AKAP9: variants seen among roughly 807,000 people sequenced by gnomAD.
The protein encoded by AKAP9 is A-kinase anchor protein 9.
Under a neutral mutation model 488.5 loss-of-function variants are expected in AKAP9, and 311 were observed. That is an observed-to-expected ratio of 0.64 (90% CI 0.58 to 0.70). AKAP9 has a LOEUF of 0.70. Ranked by LOEUF, AKAP9 falls within the 30% of genes least tolerant of loss-of-function variation. AKAP9 has a pLI of 0.00. For missense variants in AKAP9, 4,215 were observed against 4,374.5 expected, an observed-to-expected ratio of 0.96 and a Z score of 1.03; for synonymous variants, 1,462 against 1,483.5, an observed-to-expected ratio of 0.99 and a Z score of 0.33.
intron 30 of AKAP9, 41 bp from the exon 31 acceptor site, chr7:92,079,038 A>G (rs778593992): frequency 3.6e-6 from 5 of 1,380,036 alleles, no homozygotes; most frequent in Non-Finnish European, 4.9e-6. Context: ...AAATGTAAAT[A>G]CATATATATT....
chr7:92,032,720 G>T (rs1234452740), intron 16 of AKAP9, among the ~76,000 whole-genome samples: 1 of 151,972 alleles, frequency 6.6e-6, no homozygotes. Flanking sequence ...GGGCCATAAG[G>T]ACTTATTCAC....
intron 2 of AKAP9, among the ~76,000 whole-genome samples, chr7:91,979,767 C>T (rs923327480): frequency 1.3e-5 from 2 of 152,126 alleles, no homozygotes; most frequent in Non-Finnish European, 2.9e-5. Flanking sequence ...GTAGCATATA[C>T]TGTGTGGATA....
chr7:92,042,406 A>G (rs746684848), intron 19 of AKAP9, among the ~76,000 whole-genome samples: 2 of 152,244 alleles, frequency 1.3e-5, no homozygotes, highest in Non-Finnish European at 2.9e-5. Flanking sequence ...TTCACCAAAG[A>G]GAACCTAACA....
chr7:91,943,072 G>A (rs1204627327), intron 1 of AKAP9, among the ~76,000 whole-genome samples: 1 of 151,912 alleles, frequency 6.6e-6, no homozygotes, highest in East Asian at 1.9e-4. Context: ...GTGTGCGCCT[G>A]TATGTAGTCC....
chr7:92,030,506 G>A (rs1358894682), intron 15 of AKAP9, among the ~76,000 whole-genome samples: 1 of 152,148 alleles, frequency 6.6e-6, no homozygotes, highest in Non-Finnish European at 1.5e-5. Context: ...GCTGAGCGTG[G>A]TGGCACTCGC....
At chr7:91,992,294 A>T in intron 4 of AKAP9, 83 bp downstream of exon 4, 1 of 974,108 alleles carries the variant, frequency 1.0e-6, no homozygotes, top group Non-Finnish European at 1.7e-6. Flanking sequence ...TTTTTCCTGC[A>T]TGTACTTCTT....
At chr7:92,030,737 A>G (rs371102321) in intron 15 of AKAP9, among the ~76,000 whole-genome samples, 7 of 151,972 alleles carry the variant, frequency 4.6e-5, no homozygotes, top group African/African-American at 1.7e-4. Flanking sequence ...TCCGTATGGT[A>G]TATAAAAAAG....
At chr7:91,941,225 A>AGTG (rs2130423530) in intron 1 of AKAP9, 78 bp downstream of exon 1, 1 of 1,420,230 alleles carries the variant, frequency 7.0e-7, no homozygotes, top group East Asian at 2.3e-5. Context: ...TGGGAAGCGG[A>AGTG]GTTCGCCGCA....
At chr7:91,945,105 G>A (rs935316041) in intron 1 of AKAP9, among the ~76,000 whole-genome samples, 32 of 152,306 alleles carry the variant, frequency 2.1e-4, no homozygotes, top group African/African-American at 7.5e-4. Flanking sequence ...GCTCACTCCT[G>A]TAATCCCAAC....
chr7:91,988,427 C>T (rs1221319837), intron 3 of AKAP9, among the ~76,000 whole-genome samples: 1 of 150,990 alleles, frequency 6.6e-6, no homozygotes, highest in African/African-American at 2.4e-5. Flanking sequence ...CTAATGATCA[C>T]ACCACTGCAC....
Position 92,016,175 on chromosome 7 carries a change from G to C in AKAP9, c.3659G>C (p.Cys1220Ser), listed in dbSNP as rs375200151. ...LGEYYTPALK[C>S]EVNAEDKENS... ...GAATATTATACTCCTGCTTTAAAAT[G>C]TGAAGTAAATGCAGAAGACAAAGAG... The change falls in exon 11 of 50, where the codon TGT becomes TCT. Residue 1220 changes from cysteine to serine, a missense_variant. Around this residue, in one of 5 missense-constraint regions of AKAP9, gnomAD observed 2,361 missense variants for 2,430.0 expected, o/e 0.97. Coordinates refer to ENST00000356239, the MANE Select transcript of AKAP9 (RefSeq NM_005751.5). 4 of 1,600,236 alleles carry C rather than the reference G, an allele frequency of 2.5e-6. No homozygotes were observed. Among genetic ancestry groups the C allele is most frequent in the Non-Finnish European group, 8.6e-7 (1 of 1,168,218 alleles).
chr7:92,025,359 A>G (rs1276795335), intron 14 of AKAP9, among the ~76,000 whole-genome samples: 3 of 152,214 alleles, frequency 2.0e-5, no homozygotes, highest in Non-Finnish European at 2.9e-5. Flanking sequence ...TGTGTTGACA[A>G]GGCCTTTGAA....
intron 1 of AKAP9, among the ~76,000 whole-genome samples, chr7:91,948,780 T>C (rs1439495037): frequency 1.3e-5 from 2 of 151,880 alleles, no homozygotes; most frequent in African/African-American, 4.8e-5. Flanking sequence ...CCCGATTAAT[T>C]TTTTTGTATT....
In AKAP9 at chr7:92,089,429, TAGA is replaced by T. The variant is rs754149796; in HGVS notation, c.9261_9263del (p.Arg3088del). On this transcript the variant is annotated inframe_deletion, in exon 38 of 50. Coordinates refer to ENST00000356239, the MANE Select transcript of AKAP9 (RefSeq NM_005751.5). Reference sequence around the variant, plus strand: ...CTATGGAATGCCTCCAGAAAGCAGATAGAAGGAGTTTGTTATCTGAAATTCAGG... The same window carrying T: ...CTATGGAATGCCTCCAGAAAGCAGATAGGAGTTTGTTATCTGAAATTCAGG... 1 of 1,612,164 alleles carries T rather than the reference TAGA, an allele frequency of 6.2e-7. No homozygotes were observed. The highest frequency in any genetic ancestry group is 8.5e-7 in the Non-Finnish European group (1 of 1,179,726).
intron 27 of AKAP9, 39 bp downstream of exon 27, chr7:92,070,245 A>G (rs1811474512): frequency 6.3e-7 from 1 of 1,590,494 alleles, no homozygotes; most frequent in African/African-American, 1.3e-5. Flanking sequence ...TAAGTGTTTT[A>G]ATGAAGAATA....
At chr7:92,066,326 C>T (rs1337878455) in intron 25 of AKAP9, 101 bp from the exon 26 acceptor site, 1 of 1,451,146 alleles carries the variant, frequency 6.9e-7, no homozygotes, top group Non-Finnish European at 9.6e-7. Context: ...AGTCCTTTGT[C>T]TTCAAACAAA....
At position 92,089,480 on chromosome 7, in the gene AKAP9, T is replaced by A; in HGVS notation, c.9309T>A (p.Gly3103=). The change falls in exon 38 of 50, where the codon GGT becomes GGA. Residue 3103 remains glycine, a synonymous_variant. Transcript: ENST00000356239. ...AGGCACTGCATGCACAAATGAATGG[T>A]AGGAAAATTACTCTGAAAAGAGAAC... ...EIQALHAQMN[G]RKITLKREQE... 1 of 1,613,402 alleles carries A rather than the reference T, an allele frequency of 6.2e-7. No individual in the cohort carries two copies. Among genetic ancestry groups the A allele is most frequent in the Non-Finnish European group, 8.5e-7 (1 of 1,179,732 alleles).
At chr7:92,027,648 CTGCCTGGCCGCCCCGTCTGGG>C (rs1351277604) in intron 14 of AKAP9, among the ~76,000 whole-genome samples, 4 of 148,840 alleles carry the variant, frequency 2.7e-5, no homozygotes, top group African/African-American at 1.0e-4. Context: ...AGGAGCGCCT[CTGCCTGGCCGCCCCGTCTGGG>C]ATGTGAGGAG....
chr7:92,016,048 A>C, intron 10 of AKAP9, 81 bp from the exon 11 acceptor site: 1 of 1,213,846 alleles, frequency 8.2e-7, no homozygotes, highest in Non-Finnish European at 1.2e-6. Context: ...ACCGCCTTGC[A>C]TCTAGGAGAA....
Sources: gnomAD v4.1 joint callset for allele counts (sites outside exome capture counted in the v4.1 genomes callset) on GRCh38, gnomAD v4.1.1 for gene constraint, gnomAD v4.1.1 regional missense constraint, MANE v1.5 for transcripts, NCBI Gene and HGNC (gene_info 2026-07-23, HGNC 2026-07-21) for gene names.